Variants in TMEM163 observed in about 807,000 individuals in gnomAD.
TMEM163 encodes transmembrane protein 163.
A neutral mutation model predicts 29.3 loss-of-function variants in TMEM163; 17 were observed. That is an observed-to-expected ratio of 0.58 (90% CI 0.40 to 0.87). The LOEUF is 0.87. Ranked by LOEUF, TMEM163 falls within the 40% of genes least tolerant of loss-of-function variation. The probability of loss-of-function intolerance (pLI) is 0.00; values close to 1 mark genes in which losing one functional copy is unlikely to be tolerated. For synonymous variants in TMEM163, 157 were observed against 160.6 expected, an observed-to-expected ratio of 0.98 and a Z score of 0.17; for missense variants, 303 against 381.5, an observed-to-expected ratio of 0.79 and a Z score of 1.71.
intron 2 of TMEM163, among the ~76,000 whole-genome samples, chr2:134,633,986 T>C (rs1285206900): frequency 8.5e-4 from 15 of 17,690 alleles, no homozygotes; most frequent in African/African-American, 6.8e-3. Flanking sequence ...TATATATATA[T>C]ATATATATAT....
At chr2:134,511,288 T>C (rs1026065961) in intron 4 of TMEM163, among the ~76,000 whole-genome samples, 1 of 151,988 alleles carries the variant, frequency 6.6e-6, no homozygotes, top group Non-Finnish European at 1.5e-5. Context: ...AGAGGGACAG[T>C]GAGTGCAAAG....
chr2:134,595,133 C>T (rs1682042938), intron 2 of TMEM163, among the ~76,000 whole-genome samples: 1 of 151,404 alleles, frequency 6.6e-6, no homozygotes, highest in Non-Finnish European at 1.5e-5. Context: ...TTTTATTACA[C>T]TTTAAGTTCT....
At chr2:134,685,477 T>C (rs1448859409) in intron 2 of TMEM163, among the ~76,000 whole-genome samples, 1 of 152,214 alleles carries the variant, frequency 6.6e-6, no homozygotes, top group Non-Finnish European at 1.5e-5. Context: ...CAATTCAGAA[T>C]GCTAGGAATA....
At chr2:134,663,934 C>A (rs1226882358) in intron 2 of TMEM163, among the ~76,000 whole-genome samples, 1 of 152,228 alleles carries the variant, frequency 6.6e-6, no homozygotes, top group Admixed American at 6.5e-5. Context: ...CAGGTGAGCA[C>A]CCAACCTGGC....
chr2:134,677,086 T>G (rs981359824), intron 2 of TMEM163, among the ~76,000 whole-genome samples: 2 of 151,278 alleles, frequency 1.3e-5, no homozygotes, highest in Non-Finnish European at 2.9e-5. Flanking sequence ...ACTCCCTGAG[T>G]GTAACTTGTG....
intron 4 of TMEM163, among the ~76,000 whole-genome samples, chr2:134,524,599 C>A (rs1238465280): frequency 2.0e-5 from 3 of 149,944 alleles, no homozygotes; most frequent in Non-Finnish European, 4.4e-5. Flanking sequence ...CTGTTCAGCT[C>A]CCACTTATGA....
chr2:134,648,309 T>C (rs80023796), intron 2 of TMEM163, among the ~76,000 whole-genome samples: 4 of 84,948 alleles, frequency 4.7e-5, no homozygotes, highest in African/African-American at 1.4e-4. Flanking sequence ...CTTCTCCTCT[T>C]CTCTTCTCTT....
intron 5 of TMEM163, among the ~76,000 whole-genome samples, chr2:134,495,724 A>C (rs1004521919): frequency 6.6e-6 from 1 of 152,160 alleles, no homozygotes; most frequent in African/African-American, 2.4e-5. Flanking sequence ...CACATAACCA[A>C]ACTGAAACTT....
intron 2 of TMEM163, among the ~76,000 whole-genome samples, chr2:134,600,909 A>C (rs1177708513): frequency 6.6e-6 from 1 of 152,120 alleles, no homozygotes; most frequent in East Asian, 1.9e-4. Flanking sequence ...GAACTCAAAG[A>C]CAACTTTAGG....
At chr2:134,515,092 G>A (rs1157528622) in intron 4 of TMEM163, among the ~76,000 whole-genome samples, 2 of 152,258 alleles carry the variant, frequency 1.3e-5, no homozygotes, top group African/African-American at 2.4e-5. Flanking sequence ...GCAAAAGGCT[G>A]TCTCAGCAAC....
At chr2:134,565,550 G>C (rs1681282992) in intron 2 of TMEM163, among the ~76,000 whole-genome samples, 1 of 151,836 alleles carries the variant, frequency 6.6e-6, no homozygotes, top group Non-Finnish European at 1.5e-5. Context: ...AGGTTGCAGT[G>C]AGCCAAGACT....
chr2:134,467,530 C>A (rs1021583433), intron 5 of TMEM163: 7 of 152,210 alleles, frequency 4.6e-5, no homozygotes, highest in African/African-American at 1.7e-4. Context: ...AACTGCGAAA[C>A]AACATCAAAC....
intron 2 of TMEM163, among the ~76,000 whole-genome samples, chr2:134,691,537 C>A (rs1037372136): frequency 1.3e-5 from 2 of 152,222 alleles, no homozygotes; most frequent in African/African-American, 2.4e-5. Context: ...TACACACACA[C>A]GTGCATGTAC....
intron 2 of TMEM163, among the ~76,000 whole-genome samples, chr2:134,682,530 C>T (rs957463811): frequency 1.3e-5 from 2 of 152,140 alleles, no homozygotes; most frequent in African/African-American, 2.4e-5. Context: ...AGGCTAAGAG[C>T]GTGAAGAGCC....
intron 2 of TMEM163, among the ~76,000 whole-genome samples, chr2:134,598,843 C>T (rs1196836176): frequency 2.0e-5 from 3 of 151,254 alleles, no homozygotes; most frequent in African/African-American, 7.3e-5. Context: ...TTGCTTGAAC[C>T]TGGGAGGTGG....
chr2:134,553,964 G>A (rs558023240), intron 2 of TMEM163, among the ~76,000 whole-genome samples: 7 of 152,310 alleles, frequency 4.6e-5, no homozygotes, highest in South Asian at 2.1e-4. Flanking sequence ...TTAACTAAGC[G>A]TAACAAAATT....
At chr2:134,632,823 A>T (rs1029457979) in intron 2 of TMEM163, among the ~76,000 whole-genome samples, 7 of 150,886 alleles carry the variant, frequency 4.6e-5, no homozygotes, top group Admixed American at 4.6e-4. Context: ...GCTCACTGCA[A>T]GCTTTGCCTC....
intron 4 of TMEM163, among the ~76,000 whole-genome samples, chr2:134,516,303 G>A (rs1157796942): frequency 6.6e-6 from 1 of 152,102 alleles, no homozygotes; most frequent in African/African-American, 2.4e-5. Context: ...GCTCACACCT[G>A]TAATCCCAGC....
intron 4 of TMEM163, among the ~76,000 whole-genome samples, chr2:134,549,362 G>A (rs1574228502): frequency 6.6e-6 from 1 of 152,116 alleles, no homozygotes; most frequent in South Asian, 2.1e-4. Context: ...GTACTTTCTT[G>A]TTTGAGACAA....
Sources: gnomAD v4.1 joint callset for allele counts (sites outside exome capture counted in the v4.1 genomes callset) on GRCh38, gnomAD v4.1.1 for gene constraint, MANE v1.5 for transcripts, NCBI Gene and HGNC (gene_info 2026-07-23, HGNC 2026-07-21) for gene names.